EHHADH: variants seen among roughly 807,000 people sequenced by gnomAD.
EHHADH encodes peroxisomal bifunctional enzyme.
EHHADH carries 48 observed loss-of-function variants against 64.4 expected under a neutral mutation model. That is an observed-to-expected ratio of 0.75 (90% CI 0.59 to 0.95). The LOEUF (loss-of-function observed/expected upper bound fraction) is 0.95. Ranked by LOEUF, EHHADH falls within the 40% of genes least tolerant of loss-of-function variation. EHHADH has a pLI of 0.00. For missense variants in EHHADH, 854 were observed against 876.6 expected (o/e 0.97, Z 0.33); for synonymous variants, 308 against 326.7 (o/e 0.94, Z 0.62).
At chr3:185,253,871 GGA>G in intron 1 of EHHADH, 76 bp downstream of exon 1, 1 of 1,580,068 alleles carries the variant, frequency 6.3e-7, no homozygotes. Context: ...AACCGACGGG[GGA>G]GAGTCAAAGC....
chr3:185,249,587 T>C (rs1290361561), intron 1 of EHHADH, among the ~76,000 whole-genome samples: 3 of 152,156 alleles, frequency 2.0e-5, no homozygotes, highest in Admixed American at 1.3e-4. Flanking sequence ...AAGTTGCAGT[T>C]TCCCCTGCAC....
chr3:185,192,791 C>G lies in EHHADH; in HGVS notation c.1607G>C (p.Gly536Ala). Residue 536 changes from glycine to alanine, a missense_variant, in exon 7 of 7, where the codon GGG becomes GCG. By Grantham distance (60) the Gly-to-Ala change is moderately conservative. Transcript: ENST00000231887. ...GLDVGWKSRK[G>A]QGLTGPTLLP... ...CAATGTAGGTCCAGTAAGACCTTGC[C>G]CCTTTCTAGATTTCCAGCCCACATC... 6.2e-7 allele frequency: 1 copy of G among 1,614,068 alleles called. No homozygotes were observed. Among genetic ancestry groups the G allele is most frequent in the Non-Finnish European group, 8.5e-7 (1 of 1,180,016 alleles).
chr3:185,215,802 T>C (rs1718666499), intron 5 of EHHADH, among the ~76,000 whole-genome samples: 1 of 152,188 alleles, frequency 6.6e-6, no homozygotes, highest in Non-Finnish European at 1.5e-5. Context: ...AACATTTTCA[T>C]TTTTGCTTAT....
chr3:185,233,523 G>A (rs965902053), intron 3 of EHHADH, among the ~76,000 whole-genome samples: 1 of 152,116 alleles, frequency 6.6e-6, no homozygotes, highest in African/African-American at 2.4e-5. Context: ...AAATATAAGT[G>A]TATTAAGTTC....
intron 1 of EHHADH, among the ~76,000 whole-genome samples, chr3:185,249,143 T>G (rs998731947): frequency 6.6e-6 from 1 of 152,120 alleles, no homozygotes; most frequent in African/African-American, 2.4e-5. Flanking sequence ...GCTCTTTTTT[T>G]TTTGAAATGG....
intron 4 of EHHADH, among the ~76,000 whole-genome samples, chr3:185,229,085 T>C (rs1577369650): frequency 2.0e-5 from 3 of 152,310 alleles, no homozygotes; most frequent in African/African-American, 7.2e-5. Flanking sequence ...CATGAGCCAC[T>C]GCGTGCGGCC....
At chr3:185,204,272 A>C (rs567956351) in intron 6 of EHHADH, 144 bp downstream of exon 6, 3 of 693,100 alleles carry the variant, frequency 4.3e-6, no homozygotes, top group African/African-American at 3.6e-5. Flanking sequence ...TAAAGAAGAG[A>C]GCTCATGGGG....
At chr3:185,211,586 A>G (rs969325023) in intron 5 of EHHADH, among the ~76,000 whole-genome samples, 3 of 152,200 alleles carry the variant, frequency 2.0e-5, no homozygotes, top group East Asian at 3.8e-4. Flanking sequence ...TAACCCTGAT[A>G]AACAGAAAGC....
chr3:185,194,612 C>CAAT (rs772225568), intron 6 of EHHADH, among the ~76,000 whole-genome samples: 1 of 113,224 alleles, frequency 8.8e-6, no homozygotes, highest in African/African-American at 6.4e-5. Flanking sequence ...AACTCTGTAA[C>CAAT]AACAACAACA....
intron 2 of EHHADH, among the ~76,000 whole-genome samples, chr3:185,238,097 C>T (rs907358996): frequency 6.6e-5 from 10 of 152,036 alleles, no homozygotes; most frequent in Non-Finnish European, 8.8e-5. Context: ...TAAGGAAAGA[C>T]GTAATTTCAT....
chr3:185,227,966 C>A (rs1219286989), intron 4 of EHHADH, among the ~76,000 whole-genome samples: 1 of 151,592 alleles, frequency 6.6e-6, no homozygotes, highest in African/African-American at 2.4e-5. Context: ...AGGTGCTATT[C>A]CTAGCTACAT....
chr3:185,249,726 A>G (rs1490853629), intron 1 of EHHADH, among the ~76,000 whole-genome samples: 1 of 152,190 alleles, frequency 6.6e-6, no homozygotes, highest in Non-Finnish European at 1.5e-5. Context: ...CTTCCTTTAT[A>G]AATTACCCAG....
At chr3:185,204,316 T>A (rs912571859) in intron 6 of EHHADH, 100 bp downstream of exon 6, 16 of 1,064,130 alleles carry the variant, frequency 1.5e-5, no homozygotes, top group Non-Finnish European at 2.0e-5. Context: ...ACACAAGTAA[T>A]GTGTCTTACG....
chr3:185,242,094 AT>A (rs1334699810), intron 2 of EHHADH, among the ~76,000 whole-genome samples: 1 of 152,166 alleles, frequency 6.6e-6, no homozygotes, highest in African/African-American at 2.4e-5. Flanking sequence ...CTGCAAAAAA[AT>A]AAAATAAACT....
chr3:185,222,971 A>G (rs185492759), intron 4 of EHHADH, among the ~76,000 whole-genome samples: 315 of 152,372 alleles, frequency 2.1e-3, no homozygotes, highest in African/African-American at 7.5e-3. Context: ...ATCTTTACCA[A>G]GACACATCAA....
chr3:185,235,152 C>T (rs911415380), intron 3 of EHHADH, 138 bp downstream of exon 3: 35 of 805,708 alleles, frequency 4.3e-5, no homozygotes, highest in Non-Finnish European at 5.4e-5. Context: ...TGCACTCCAG[C>T]CTGGAAGACA....
Position 185,204,537 on chromosome 3 carries a change from C to G in EHHADH, c.789G>C (p.Gly263=), listed in dbSNP as rs150375664. The G allele has an allele frequency of 2.6e-5, 42 of 1,614,200 alleles. No homozygotes were observed. The African/African-American group carries it at 5.3e-4, about 20-fold the overall frequency. ...AAGCATATTGCAGGGCTCTAGCCTG[C>G]CCTGATTGCAAAAGATATAGAAACA... ...EELFLYLLQS[G]QARALQYAFF... The change falls in exon 6 of 7, where the codon GGG becomes GGC. Residue 263 remains glycine (G), a synonymous_variant. Transcript: ENST00000231887.
chr3:185,211,457 C>G (rs1343990957), intron 5 of EHHADH, among the ~76,000 whole-genome samples: 2 of 152,284 alleles, frequency 1.3e-5, no homozygotes, highest in East Asian at 3.9e-4. Flanking sequence ...ATTTTCCCTT[C>G]TTCTTCTGCT....
chr3:185,246,597 C>A (rs1184544779), intron 2 of EHHADH, among the ~76,000 whole-genome samples: 2 of 152,206 alleles, frequency 1.3e-5, no homozygotes, highest in Admixed American at 6.5e-5. Flanking sequence ...GCTACAGTAT[C>A]TGCAATGATA....
Sources: gnomAD v4.1 joint callset for allele counts (sites outside exome capture counted in the v4.1 genomes callset) on GRCh38, gnomAD v4.1.1 for gene constraint, MANE v1.5 for transcripts, NCBI Gene and HGNC (gene_info 2026-07-23, HGNC 2026-07-21) for gene names.